The following CUBN variants were observed in gnomAD, a reference collection of about 807,000 sequenced individuals.
CUBN encodes cubilin.
In CUBN, 282 loss-of-function variants were observed where a neutral mutation model predicts 405.3. That is an observed-to-expected ratio of 0.70 (90% CI 0.63 to 0.77). The LOEUF (loss-of-function observed/expected upper bound fraction) is 0.77, where lower values mean the gene tolerates loss of function less well. Among genes scored for constraint, CUBN ranks in the 30% least tolerant of loss-of-function variants. CUBN has a pLI of 0.00. For synonymous variants in CUBN, 1,684 were observed against 1,617.0 expected (o/e 1.04, Z -0.99); for missense variants, 4,514 against 4,475.2 (o/e 1.01, Z -0.25).
chr10:16,913,235 A>G (rs1337536488), intron 48 of CUBN, among the ~76,000 whole-genome samples: 2 of 152,226 alleles, frequency 1.3e-5, no homozygotes, highest in Admixed American at 6.5e-5. Flanking sequence ...TCCTATCTAC[A>G]CACACATATG....
chr10:16,940,282 T>G (rs771821631), intron 36 of CUBN, 45 bp from the exon 37 acceptor site: 43 of 1,503,438 alleles, frequency 2.9e-5, no homozygotes, highest in Middle Eastern at 4.1e-4. Context: ...ATTGAGAGAA[T>G]AGACTTTGGG....
chr10:17,045,971 C>A lies in CUBN; in HGVS notation c.3453G>T (p.Arg1151Ser). The A allele has an allele frequency of 1.2e-6, 2 of 1,613,946 alleles. No individual in the cohort carries two copies. The highest frequency in any genetic ancestry group is 1.7e-6 in the Non-Finnish European group (2 of 1,179,944). The change falls in exon 24 of 67, where the codon AGG becomes AGT. Residue 1151 changes from arginine (R) to serine (S), a missense_variant. This residue lies in a region of CUBN where 242 missense variants were observed against 309.0 expected (regional missense o/e 0.78). Transcript: ENST00000377833. ...LKFKSDQIDTRSGFSAYWDGS... is the reference protein window; with the variant it reads ...LKFKSDQIDTSSGFSAYWDGS... ...CATCCCAGTAAGCTGAGAATCCAGA[C>A]CTTGTGTCTATTTGGTCACTCTTAA...
chr10:17,088,249 A>G lies in CUBN; in HGVS notation c.1862T>C (p.Val621Ala). Residue 621 changes from valine (V) to alanine (A), a missense_variant, in exon 15 of 67, where the codon GTA (valine) becomes GCA (alanine). By Grantham distance (64) the Val-to-Ala change is moderately conservative. Transcript: ENST00000377833. The part of the protein sequence containing the change: ...PPGRDCVWIV[V>A]TSPDLLVTFT... ...TGTTACCAGGAGGTCAGGACTAGTT[A>G]CAACAATCCAGACACAATCTCTTCC... is the stretch of plus-strand genomic sequence containing the variant. 6.2e-7 allele frequency: 1 copy of G among 1,613,396 alleles called. No homozygotes were observed.
intron 28 of CUBN, among the ~76,000 whole-genome samples, chr10:17,017,402 T>G (rs1834355202): frequency 6.6e-6 from 1 of 152,092 alleles, no homozygotes; most frequent in South Asian, 2.1e-4. Flanking sequence ...TACTGACACA[T>G]TCTTGAAAAC....
At chr10:16,920,339 C>T (rs1564424561) in intron 43 of CUBN, among the ~76,000 whole-genome samples, 2 of 152,130 alleles carry the variant, frequency 1.3e-5, no homozygotes, top group Non-Finnish European at 2.9e-5. Flanking sequence ...TTTATTTTGC[C>T]AGACCATTTA....
chr10:17,036,484 G>C (rs1292035926), intron 27 of CUBN, among the ~76,000 whole-genome samples: 3 of 152,106 alleles, frequency 2.0e-5, no homozygotes, highest in Non-Finnish European at 4.4e-5. Context: ...GGGGAGGTGT[G>C]AGCCTTCTCA....
chr10:17,074,640 T>G (rs1835813014), intron 17 of CUBN, among the ~76,000 whole-genome samples: 1 of 152,166 alleles, frequency 6.6e-6, no homozygotes, highest in Admixed American at 6.5e-5. Flanking sequence ...TTCTGAAAAA[T>G]TAGTCACCAA....
intron 59 of CUBN, among the ~76,000 whole-genome samples, chr10:16,853,379 C>T (rs1205793739): frequency 6.6e-6 from 1 of 152,164 alleles, no homozygotes; most frequent in East Asian, 1.9e-4. Context: ...ATTTTCTGCT[C>T]ACGGTGAAAA....
chr10:17,004,640 C>T lies in CUBN; in HGVS notation c.4169-14125G>A, dbSNP rs180675143. ...CCAGATTGACACACATCTACTCCACCATCAGATCTGCCCATCCTACCTTCT... is the reference window on the plus strand; with the variant it reads ...CCAGATTGACACACATCTACTCCACTATCAGATCTGCCCATCCTACCTTCT... On this transcript the variant is annotated intron_variant, in intron 28 of 66. Transcript: ENST00000377833. Among the ~76,000 whole-genome samples the T allele has an allele frequency of 5.6e-4, 85 of 151,794 alleles. 1 individual carries two copies. Among genetic ancestry groups the T allele is most frequent in the Admixed American group, 5.3e-3 (80 of 15,218 alleles).
At chr10:17,013,623 G>C (rs1834247939) in intron 28 of CUBN, among the ~76,000 whole-genome samples, 1 of 152,184 alleles carries the variant, frequency 6.6e-6, no homozygotes, top group South Asian at 2.1e-4. Context: ...ATCCCCCAGA[G>C]GTTAGGAACT....
Position 16,841,292 on chromosome 10 carries a change from G to T in CUBN, c.9664-245C>A, listed in dbSNP as rs139353469. ...AAATATATGATTTTTAAAAGAAGGTGTTATGAGAGTCCGCTCACCCACTGC... is the reference window on the plus strand; with the variant it reads ...AAATATATGATTTTTAAAAGAAGGTTTTATGAGAGTCCGCTCACCCACTGC... On this transcript the variant is annotated intron_variant, in intron 60 of 66. Coordinates refer to ENST00000377833, the MANE Select transcript of CUBN (RefSeq NM_001081.4). 6.7e-4 allele frequency among the ~76,000 whole-genome samples: 102 copies of T among 152,190 alleles called. No homozygotes were observed. In the East Asian group the frequency reaches 0.016, roughly 23 times the overall value.
At chr10:17,049,372 T>G (rs969696187) in intron 22 of CUBN, among the ~76,000 whole-genome samples, 1 of 152,246 alleles carries the variant, frequency 6.6e-6, no homozygotes, top group East Asian at 1.9e-4. Flanking sequence ...TGTCGTCACT[T>G]GTTCTTGCTT....
chr10:17,021,118 A>AC (rs1339759245), intron 27 of CUBN, among the ~76,000 whole-genome samples: 2 of 149,566 alleles, frequency 1.3e-5, no homozygotes, highest in Non-Finnish European at 3.0e-5. Flanking sequence ...ACATTGAAGG[A>AC]TTTTTTTTTT....
intron 21 of CUBN, 119 bp downstream of exon 21, chr10:17,067,945 A>C: frequency 3.9e-6 from 3 of 771,396 alleles, no homozygotes; most frequent in Non-Finnish European, 6.6e-6. Flanking sequence ...ATGGTCATTA[A>C]GAAGCATGAG....
At chr10:17,038,461 A>C (rs1316542741) in intron 27 of CUBN, among the ~76,000 whole-genome samples, 1 of 152,218 alleles carries the variant, frequency 6.6e-6, no homozygotes, top group Non-Finnish European at 1.5e-5. Flanking sequence ...TGAAATAATA[A>C]AGGATGCATT....
chr10:17,083,999 C>T (rs1477644505), intron 17 of CUBN, among the ~76,000 whole-genome samples: 2 of 152,198 alleles, frequency 1.3e-5, no homozygotes, highest in East Asian at 1.9e-4. Context: ...ACTTGACTAG[C>T]TGGGTCATCT....
chr10:16,928,024 TG>T, intron 41 of CUBN, 132 bp downstream of exon 41: 1 of 988,668 alleles, frequency 1.0e-6, no homozygotes, highest in Non-Finnish European at 1.5e-6. Flanking sequence ...ATCCAGAGCC[TG>T]GGCAGAGACC....
chr10:17,021,338 T>C (rs1250911655), intron 27 of CUBN, among the ~76,000 whole-genome samples: 2 of 152,204 alleles, frequency 1.3e-5, no homozygotes, highest in Non-Finnish European at 2.9e-5. Context: ...CTCTACTATA[T>C]CTCTTCACTT....
chr10:16,858,293 T>C (rs966920271), intron 59 of CUBN, among the ~76,000 whole-genome samples: 3 of 152,196 alleles, frequency 2.0e-5, no homozygotes, highest in Non-Finnish European at 4.4e-5. Context: ...TCTGCAAACA[T>C]CAAAAAGCTT....
Sources: gnomAD v4.1 joint callset for allele counts (sites outside exome capture counted in the v4.1 genomes callset) on GRCh38, gnomAD v4.1.1 for gene constraint, gnomAD v4.1.1 regional missense constraint, MANE v1.5 for transcripts, NCBI Gene and HGNC (gene_info 2026-07-23, HGNC 2026-07-21) for gene names.